Variants in CDH12 observed in about 807,000 individuals in gnomAD.
The protein encoded by CDH12 is cadherin-12.
In CDH12, 41 loss-of-function variants were observed where a neutral mutation model predicts 74.1. The ratio of observed to expected loss-of-function variants is 0.55; its 90% CI spans 0.43 to 0.72. The LOEUF is 0.72. Among genes scored for constraint, CDH12 ranks in the 30% least tolerant of loss-of-function variants. CDH12 has a pLI of 0.00. For missense variants in CDH12, 945 were observed against 977.2 expected, an observed-to-expected ratio of 0.97 and a Z score of 0.44; for synonymous variants, 399 against 355.0, an observed-to-expected ratio of 1.12 and a Z score of -1.39.
intron 10 of CDH12, among the ~76,000 whole-genome samples, chr5:21,793,508 T>C (rs954204502): frequency 2.6e-5 from 4 of 151,694 alleles, no homozygotes; most frequent in African/African-American, 9.7e-5. Context: ...TGAAGTCCTT[T>C]TGAGAGAGCT....
intron 5 of CDH12, among the ~76,000 whole-genome samples, chr5:22,051,729 A>G (rs1469822241): frequency 6.6e-6 from 1 of 152,062 alleles, no homozygotes; most frequent in African/African-American, 2.4e-5. Flanking sequence ...CTGATCTTTA[A>G]TTTTCATTAA....
At position 22,796,763 on chromosome 5, in the gene CDH12, G is replaced by A. The variant is rs907156454; in HGVS notation, c.-523+56295C>T. On this transcript the variant is annotated intron_variant, in intron 1 of 14. Coordinates refer to ENST00000382254, the MANE Select transcript of CDH12 (RefSeq NM_004061.5). ...TCTCGATCTCTTGACCTCGTGATCC[G>A]CCCGCCTCGGCCTCCCAAAGTGCTG... Among the ~76,000 whole-genome samples, 110 of 101,582 alleles carry A rather than the reference G, an allele frequency of 1.1e-3. 9 individuals carry two copies. The highest frequency in any genetic ancestry group is 4.0e-3 in the Admixed American group (38 of 9,606). The allele number at this position is 101,582 out of a possible 152,430, so 66.6% of individuals were successfully genotyped here.
chr5:22,003,931 G>T (rs1397752734), intron 5 of CDH12, among the ~76,000 whole-genome samples: 1 of 146,124 alleles, frequency 6.8e-6, no homozygotes, highest in African/African-American at 2.5e-5. Context: ...ATGTTAAAAC[G>T]TTTTTGGCTC....
intron 3 of CDH12, among the ~76,000 whole-genome samples, chr5:22,383,655 C>A (rs1741864364): frequency 6.6e-6 from 1 of 152,124 alleles, no homozygotes; most frequent in African/African-American, 2.4e-5. Flanking sequence ...ACAATTAAAC[C>A]TTCTAGGCCA....
intron 5 of CDH12, among the ~76,000 whole-genome samples, chr5:22,062,181 C>A (rs1741235236): frequency 6.6e-6 from 1 of 152,068 alleles, no homozygotes; most frequent in Admixed American, 6.6e-5. Context: ...CCCGCCAATT[C>A]AATTAAAGTA....
intron 6 of CDH12, 116 bp from the exon 7 acceptor site, chr5:21,854,906 G>T: frequency 1.2e-6 from 1 of 810,288 alleles, no homozygotes; most frequent in Non-Finnish European, 1.9e-6. Context: ...AGTACACCAT[G>T]AGTACATGAT....
intron 13 of CDH12, among the ~76,000 whole-genome samples, 161 bp from the exon 14 acceptor site, chr5:21,756,003 C>G (rs1001823384): frequency 1.3e-5 from 2 of 151,872 alleles, no homozygotes; most frequent in East Asian, 3.9e-4. Flanking sequence ...AAAATATAAT[C>G]AAAATAATCC....
intron 4 of CDH12, among the ~76,000 whole-genome samples, chr5:22,191,566 A>AT (rs869052527): frequency 8.1e-4 from 20 of 24,680 alleles, no homozygotes; most frequent in Middle Eastern, 0.042. Flanking sequence ...TTTTATTTTT[A>AT]TTTTTTTTTT....
chr5:22,623,686 C>T (rs1394532632), intron 1 of CDH12, among the ~76,000 whole-genome samples: 1 of 152,134 alleles, frequency 6.6e-6, no homozygotes, highest in Admixed American at 6.5e-5. Context: ...AATGGAAGAA[C>T]ATTCCATGCT....
At chr5:22,539,440 C>T (rs539055461) in intron 1 of CDH12, among the ~76,000 whole-genome samples, 1 of 152,130 alleles carries the variant, frequency 6.6e-6, no homozygotes, top group South Asian at 2.1e-4. Flanking sequence ...GCACATATTA[C>T]CAGTTAATAA....
In CDH12 at chr5:21,938,772, C is replaced by T. The variant is rs1755195223; in HGVS notation, c.526+36319G>A. On this transcript the variant is annotated intron_variant, in intron 6 of 14. Transcript: ENST00000382254. ...TATCTTCTACATATCAGTGCTCTGTCAATTCAGCCTAATTCTGGCAAAAGC... is the reference window on the plus strand; with the variant it reads ...TATCTTCTACATATCAGTGCTCTGTTAATTCAGCCTAATTCTGGCAAAAGC... 4.7e-5 allele frequency among the ~76,000 whole-genome samples: 6 copies of T among 128,266 alleles called. No homozygotes were observed. The South Asian group carries it at 1.2e-3, about 26-fold the overall frequency. 84.1% of individuals were successfully genotyped at this position (128,266 alleles called of 152,430 possible). A position where few individuals can be genotyped will look rare whatever the true frequency, so the allele number is the denominator to read the frequency against.
At chr5:22,749,225 G>T (rs1374059556) in intron 1 of CDH12, among the ~76,000 whole-genome samples, 3 of 152,192 alleles carry the variant, frequency 2.0e-5, no homozygotes, top group African/African-American at 7.2e-5. Flanking sequence ...GAGGCCTGAG[G>T]GCCTGGCCCT....
At chr5:22,191,806 C>T (rs190683351) in intron 4 of CDH12, among the ~76,000 whole-genome samples, 1,880 of 151,910 alleles carry the variant, frequency 0.012, 42 homozygotes, top group African/African-American at 0.043. Flanking sequence ...CCTCGTGATC[C>T]GCCCGCCTCG....
At chr5:22,701,851 T>C (rs1037823495) in intron 1 of CDH12, among the ~76,000 whole-genome samples, 7 of 152,150 alleles carry the variant, frequency 4.6e-5, no homozygotes, top group African/African-American at 1.7e-4. Flanking sequence ...GACAGGAAAA[T>C]GTTGTGCTTT....
intron 1 of CDH12, among the ~76,000 whole-genome samples, chr5:22,852,708 C>T (rs1326355464): frequency 6.6e-6 from 1 of 152,196 alleles, no homozygotes; most frequent in African/African-American, 2.4e-5. Flanking sequence ...AATCAGATAT[C>T]TATAAAGCCA....
At chr5:22,712,728 C>T (rs549954018) in intron 1 of CDH12, among the ~76,000 whole-genome samples, 1 of 152,000 alleles carries the variant, frequency 6.6e-6, no homozygotes, top group African/African-American at 2.4e-5. Flanking sequence ...TATTAAAATA[C>T]AATAAAGTTT....
intron 1 of CDH12, among the ~76,000 whole-genome samples, chr5:22,543,904 CT>C (rs879533290): frequency 2.8e-4 from 41 of 147,024 alleles, no homozygotes; most frequent in Middle Eastern, 3.6e-3. Context: ...TTGTCATTTT[CT>C]TTTTTTTTTT....
chr5:21,899,978 C>T (rs1753307035), intron 6 of CDH12, among the ~76,000 whole-genome samples: 3 of 151,920 alleles, frequency 2.0e-5, no homozygotes, highest in Non-Finnish European at 2.9e-5. Context: ...ACATTTTATT[C>T]ATATATCTAT....
chr5:22,586,643 C>A (rs1307245797), intron 1 of CDH12, among the ~76,000 whole-genome samples: 1 of 151,670 alleles, frequency 6.6e-6, no homozygotes, highest in Non-Finnish European at 1.5e-5. Context: ...CTGAATTTTT[C>A]TCATTTTCTC....
Sources: gnomAD v4.1 joint callset for allele counts (sites outside exome capture counted in the v4.1 genomes callset) on GRCh38, gnomAD v4.1.1 for gene constraint, MANE v1.5 for transcripts, NCBI Gene and HGNC (gene_info 2026-07-23, HGNC 2026-07-21) for gene names.